Variants in CPNE4 observed in about 807,000 individuals in gnomAD.
The protein encoded by CPNE4 is copine 4.
In CPNE4, 25 loss-of-function variants were observed where a neutral mutation model predicts 67.9. That is an observed-to-expected ratio of 0.37 (90% CI 0.27 to 0.51). The LOEUF is 0.51. CPNE4 is among the 20% of genes least tolerant of loss of function. CPNE4 has a pLI of 0.93. For missense variants in CPNE4, 464 were observed against 690.8 expected (o/e 0.67, Z 3.68); for synonymous variants, 242 against 244.9 (o/e 0.99, Z 0.11).
intron 1 of CPNE4, among the ~76,000 whole-genome samples, chr3:131,930,093 T>C (rs1006665079): frequency 5.3e-5 from 8 of 152,168 alleles, no homozygotes; most frequent in African/African-American, 1.9e-4. Context: ...GATAGTCATG[T>C]TAAAGTATTG....
intron 1 of CPNE4, among the ~76,000 whole-genome samples, chr3:131,983,404 C>T (rs184973914): frequency 2.0e-5 from 3 of 152,176 alleles, no homozygotes; most frequent in African/African-American, 7.2e-5. Context: ...ATTATAAATT[C>T]CTTGCTACGA....
intron 2 of CPNE4, among the ~76,000 whole-genome samples, chr3:131,819,969 G>C (rs1005423977): frequency 2.6e-5 from 4 of 152,130 alleles, no homozygotes; most frequent in Non-Finnish European, 4.4e-5. Flanking sequence ...TTGACTTTTG[G>C]AATCAAACCA....
chr3:131,654,249 G>GTT (rs1002475043), intron 7 of CPNE4, among the ~76,000 whole-genome samples: 1 of 151,326 alleles, frequency 6.6e-6, no homozygotes, highest in South Asian at 2.1e-4. Flanking sequence ...CTCATCTATT[G>GTT]TTTTTTTTAA....
chr3:131,756,590 G>C (rs1267261381), intron 2 of CPNE4, among the ~76,000 whole-genome samples: 1 of 152,220 alleles, frequency 6.6e-6, no homozygotes, highest in Non-Finnish European at 1.5e-5. Context: ...GCCAGCTTTG[G>C]CCAGGAGATG....
At chr3:131,973,747 G>C (rs922159782) in intron 1 of CPNE4, among the ~76,000 whole-genome samples, 3 of 152,170 alleles carry the variant, frequency 2.0e-5, no homozygotes, top group African/African-American at 7.2e-5. Flanking sequence ...AGTTATAGCA[G>C]TGGAAGAATG....
rs1583107971 is a variant in CPNE4, at chr3:131,736,354, G to A, written c.181-12729C>T. Reference sequence around the variant, plus strand: ...TTGAAGCTACTGTCTGGGCATGGTGGCTCACGCCTGTAATCCCAGCACTTT... The same window carrying A: ...TTGAAGCTACTGTCTGGGCATGGTGACTCACGCCTGTAATCCCAGCACTTT... On this transcript the variant is annotated intron_variant, in intron 2 of 15. Transcript: ENST00000429747. 2.6e-5 allele frequency among the ~76,000 whole-genome samples: 4 copies of A among 151,982 alleles called. No individual in the cohort carries two copies. In the South Asian group the frequency reaches 8.3e-4, roughly 32 times the overall value.
chr3:131,822,658 T>C (rs1226917086), intron 2 of CPNE4, among the ~76,000 whole-genome samples: 1 of 152,190 alleles, frequency 6.6e-6, no homozygotes, highest in East Asian at 1.9e-4. Flanking sequence ...TGCATAAAAG[T>C]ATATATATCC....
intron 14 of CPNE4, among the ~76,000 whole-genome samples, chr3:131,548,854 A>G (rs569039698): frequency 1.3e-5 from 2 of 152,318 alleles, no homozygotes; most frequent in African/African-American, 4.8e-5. Flanking sequence ...TGCAATACTA[A>G]TTATATTTTT....
At chr3:131,767,748 C>A (rs1424070302) in intron 2 of CPNE4, among the ~76,000 whole-genome samples, 1 of 151,118 alleles carries the variant, frequency 6.6e-6, no homozygotes, top group East Asian at 2.0e-4. Flanking sequence ...CAAATCCCTG[C>A]TACCCCAAAC....
intron 7 of CPNE4, among the ~76,000 whole-genome samples, chr3:131,654,216 A>G (rs755390458): frequency 6.6e-6 from 1 of 151,290 alleles, no homozygotes; most frequent in African/African-American, 2.4e-5. Flanking sequence ...TTTTTTCCCT[A>G]CCTAAGATTA....
chr3:131,884,443 A>T (rs926222824), intron 2 of CPNE4, among the ~76,000 whole-genome samples: 1 of 152,212 alleles, frequency 6.6e-6, no homozygotes, highest in Non-Finnish European at 1.5e-5. Context: ...AGCAATGGGT[A>T]CACTAGTCTC....
At chr3:131,682,739 G>T (rs1265982979) in intron 6 of CPNE4, among the ~76,000 whole-genome samples, 7 of 152,066 alleles carry the variant, frequency 4.6e-5, no homozygotes. Context: ...GTTCCTCCCA[G>T]TCCCAGGCAG....
At chr3:131,798,232 A>G (rs1474845138) in intron 2 of CPNE4, among the ~76,000 whole-genome samples, 1 of 152,170 alleles carries the variant, frequency 6.6e-6, no homozygotes, top group Non-Finnish European at 1.5e-5. Context: ...ATTATGGGAC[A>G]TAGGACCTCA....
chr3:131,827,776 A>T (rs529104331), intron 2 of CPNE4, among the ~76,000 whole-genome samples: 1 of 152,142 alleles, frequency 6.6e-6, no homozygotes, highest in Non-Finnish European at 1.5e-5. Context: ...ATAAGAAAAA[A>T]ATGAGAGAAT....
intron 2 of CPNE4, among the ~76,000 whole-genome samples, chr3:131,767,260 C>CGTGTGTGTGTGTGTGT (rs67444198): frequency 1.3e-5 from 2 of 150,242 alleles, no homozygotes; most frequent in African/African-American, 4.9e-5. Flanking sequence ...TAAGTGTGAG[C>CGTGTGTGTGTGTGTGT]GTGTGTGTGT....
intron 2 of CPNE4, among the ~76,000 whole-genome samples, chr3:131,779,589 C>A (rs1268257146): frequency 6.6e-6 from 1 of 152,028 alleles, no homozygotes; most frequent in African/African-American, 2.4e-5. Flanking sequence ...GGGGAAAGAA[C>A]TTCCTATTCA....
chr3:131,887,501 T>G (rs2087943934), intron 2 of CPNE4, among the ~76,000 whole-genome samples: 1 of 152,200 alleles, frequency 6.6e-6, no homozygotes, highest in Non-Finnish European at 1.5e-5. Flanking sequence ...CTGACCTCAG[T>G]AGGCTGTATT....
intron 1 of CPNE4, among the ~76,000 whole-genome samples, chr3:132,011,445 A>G (rs1275060417): frequency 6.6e-6 from 1 of 152,188 alleles, no homozygotes; most frequent in Non-Finnish European, 1.5e-5. Context: ...GGAATGGCAA[A>G]CAATTGCCAC....
rs542146322 is a variant in CPNE4 at position 131,923,684 on chromosome 3, G to A, written c.-1-18240C>T. Among the ~76,000 whole-genome samples the A allele has an allele frequency of 4.6e-5, 5 of 108,000 alleles. No individual in the cohort carries two copies. The Admixed American group carries it at 5.7e-4, about 12-fold the overall frequency. 70.9% of individuals were successfully genotyped at this position (108,000 alleles called of 152,430 possible). The stretch of plus-strand genomic sequence containing the variant: ...TATGCCACTGCATTCCAGCCTGGGT[G>A]ACAGAGCTAGACTCCGTCTCAAAAA... On this transcript the variant is annotated intron_variant, in intron 1 of 15. Coordinates refer to ENST00000429747, the MANE Select transcript of CPNE4 (RefSeq NM_130808.3).
Sources: gnomAD v4.1 joint callset for allele counts (sites outside exome capture counted in the v4.1 genomes callset) on GRCh38, gnomAD v4.1.1 for gene constraint, MANE v1.5 for transcripts, NCBI Gene and HGNC (gene_info 2026-07-23, HGNC 2026-07-21) for gene names.